Variants in APAF1 observed in about 807,000 individuals in gnomAD.
APAF1 encodes the protein apoptotic protease-activating factor 1.
A neutral mutation model predicts 152.4 loss-of-function variants in APAF1; 91 were observed. The ratio of observed to expected loss-of-function variants is 0.60; its 90% confidence interval spans 0.50 to 0.71. The LOEUF (loss-of-function observed/expected upper bound fraction) is 0.71. Among genes scored for constraint, APAF1 ranks in the 30% least tolerant of loss-of-function variants. The pLI is 0.00. For missense variants in APAF1, 1,283 were observed against 1,472.0 expected, an observed-to-expected ratio of 0.87 and a Z score of 2.10; for synonymous variants, 484 against 494.1, an observed-to-expected ratio of 0.98 and a Z score of 0.27.
Position 98,667,559 on chromosome 12 carries a change from C to T in APAF1, c.1409C>T (p.Pro470Leu), listed in dbSNP as rs145393515. The T allele has an allele frequency of 1.2e-4, 186 of 1,613,948 alleles. 1 individual carries two copies. The African/African-American group carries it at 1.7e-3, about 14-fold the overall frequency. ...ACTCAGTTTCAGAGATATCACCAGCCGCATACTCTTTCACCAGATCAGGAA... is the reference window on the plus strand; with the variant it reads ...ACTCAGTTTCAGAGATATCACCAGCTGCATACTCTTTCACCAGATCAGGAA... ...IITQFQRYHQ[P>L]HTLSPDQEDC... The change falls in exon 10 of 27, where the codon CCG (proline) becomes CTG (leucine). Residue 470 changes from proline to leucine, a missense_variant. Pro to Leu is a moderately conservative substitution (Grantham distance 98). Transcript: ENST00000551964.
At chr12:98,707,673 C>A (rs185976672) in intron 19 of APAF1, among the ~76,000 whole-genome samples, 130 of 135,392 alleles carry the variant, frequency 9.6e-4, no homozygotes, top group African/African-American at 3.2e-3. Flanking sequence ...TTACTATATT[C>A]AAGACATTAT....
At chr12:98,712,963 A>G (rs541557346) in intron 21 of APAF1, among the ~76,000 whole-genome samples, 2 of 152,024 alleles carry the variant, frequency 1.3e-5, no homozygotes, top group South Asian at 4.2e-4. Flanking sequence ...GACTTCAGGT[A>G]TGCACCACCA....
intron 22 of APAF1, among the ~76,000 whole-genome samples, chr12:98,721,829 G>T (rs73378457): frequency 0.026 from 3,886 of 152,246 alleles, 172 homozygotes; most frequent in African/African-American, 0.089. Flanking sequence ...AATAAGAGAT[G>T]TCATTTATTT....
At position 98,712,409 on chromosome 12, in the gene APAF1, T is replaced by G; in HGVS notation, c.2932T>G (p.Phe978Val). 1.2e-6 allele frequency: 2 copies of G among 1,609,094 alleles called. No homozygotes were observed. The highest frequency in any genetic ancestry group is 1.7e-6 in the Non-Finnish European group (2 of 1,175,472). The change falls in exon 21 of 27, where the codon TTT becomes GTT. Residue 978 changes from phenylalanine to valine, a missense_variant. Phe to Val is a conservative substitution (Grantham distance 50). Coordinates refer to ENST00000551964, the MANE Select transcript of APAF1 (RefSeq NM_181861.2). ...CLSPHLQYIA[F>V]GDENGAIEIL... ...AAGTCCACATCTTCAGTACATTGCA[T>G]TTGGAGATGAAAATGGAGCCATTGA... is the stretch of plus-strand genomic sequence containing the variant.
intron 7 of APAF1, among the ~76,000 whole-genome samples, chr12:98,665,279 T>TATATA (rs1491328899): frequency 1.1e-3 from 74 of 65,592 alleles, no homozygotes; most frequent in South Asian, 5.5e-3. Context: ...TATATATATA[T>TATATA]TTTTTTTTTT....
In APAF1 at chr12:98,708,481, C is replaced by G. The variant is rs549736101; in HGVS notation, c.2722-104C>G. 1.3e-5 allele frequency: 15 copies of G among 1,173,344 alleles called. No individual in the cohort carries two copies. In the East Asian group the frequency reaches 3.6e-4, roughly 28 times the overall value. 72.7% of individuals were successfully genotyped at this position (1,173,344 alleles called of 1,614,324 possible). ...ATTATAATCTAATATTGAAACCTTT[C>G]TAGCATCATAGGTATTTTATGTGAA... On this transcript the variant is annotated intron_variant, in intron 19 of 26. Coordinates refer to ENST00000551964, the MANE Select transcript of APAF1 (RefSeq NM_181861.2).
intron 7 of APAF1, among the ~76,000 whole-genome samples, chr12:98,664,941 C>T (rs2097670223): frequency 6.6e-6 from 1 of 152,098 alleles, no homozygotes; most frequent in East Asian, 1.9e-4. Context: ...ATTTATTCAA[C>T]CACTTCTGTA....
intron 26 of APAF1, among the ~76,000 whole-genome samples, chr12:98,727,716 G>A (rs910109061): frequency 2.6e-5 from 4 of 152,014 alleles, no homozygotes; most frequent in Non-Finnish European, 4.4e-5. Context: ...CAAGGTGGGC[G>A]GATCACCTGA....
At position 98,648,607 on chromosome 12, in the gene APAF1, A is replaced by G; in HGVS notation, c.139-19A>G. ...ATACATATTCATTGTTGTATACTAA[A>G]CTACTTAATTTTTTTTAGCCCACTC... On this transcript the variant is annotated intron_variant, in intron 2 of 26. Transcript: ENST00000551964. The G allele has an allele frequency of 6.2e-7, 1 of 1,612,640 alleles. No individual in the cohort carries two copies. The highest frequency in any genetic ancestry group is 8.5e-7 in the Non-Finnish European group (1 of 1,179,450).
chr12:98,683,595 A>C (rs1238165687), intron 15 of APAF1, among the ~76,000 whole-genome samples: 1 of 152,182 alleles, frequency 6.6e-6, no homozygotes, highest in Non-Finnish European at 1.5e-5. Flanking sequence ...TGTGGCAGAA[A>C]ATGTGGCTAC....
In APAF1 at chr12:98,712,416, A is replaced by G. The variant is rs2097728984; in HGVS notation, c.2939A>G (p.Asp980Gly). 6.2e-7 allele frequency: 1 copy of G among 1,604,218 alleles called. No individual in the cohort carries two copies. Among genetic ancestry groups the G allele is most frequent in the South Asian group, 1.1e-5 (1 of 90,856 alleles). ...SPHLQYIAFG[D>G]ENGAIEILEL... Reference sequence around the variant, plus strand: ...CATCTTCAGTACATTGCATTTGGAGATGAAAATGGAGCCATTGAGGTATTC... The same window carrying G: ...CATCTTCAGTACATTGCATTTGGAGGTGAAAATGGAGCCATTGAGGTATTC... Residue 980 changes from aspartate (D) to glycine (G), a missense_variant, in exon 21 of 27, where the codon GAT becomes GGT. Asp to Gly is a moderately conservative substitution (Grantham distance 94). Transcript: ENST00000551964.
In APAF1 at chr12:98,703,406, A is replaced by G. The variant is rs374560085; in HGVS notation, c.2502A>G (p.Glu834=). The G allele has an allele frequency of 2.5e-6, 4 of 1,614,020 alleles. No individual in the cohort carries two copies. Among genetic ancestry groups the G allele is most frequent in the Non-Finnish European group, 3.4e-6 (4 of 1,180,014 alleles). ...FDIHTSGLLG[E]IHTGHHSTIQ... ...TTCATACTAGTGGCCTATTGGGAGA[A>G]ATCCACACGGGCCATCACAGCACCA... is the stretch of plus-strand genomic sequence containing the variant. Residue 834 remains glutamate (E), a synonymous_variant, in exon 18 of 27, where the codon GAA becomes GAG. Transcript: ENST00000551964.
intron 15 of APAF1, 97 bp downstream of exon 15, chr12:98,683,371 G>A: frequency 8.2e-7 from 1 of 1,218,964 alleles, no homozygotes; most frequent in Non-Finnish European, 1.2e-6. Context: ...AGGACTTTCT[G>A]GTCACAATGA....
chr12:98,711,849 T>TTTTTTTTTTTTTTTTTTTTTTTTTTTGAG (rs1418875681), intron 20 of APAF1, among the ~76,000 whole-genome samples: 1 of 152,236 alleles, frequency 6.6e-6, no homozygotes, highest in Non-Finnish European at 1.5e-5. Context: ...AATCTTAATT[T>TTTTTTTTTTTTTTTTTTTTTTTTTTTGAG]ACACTGTTTT....
intron 7 of APAF1, among the ~76,000 whole-genome samples, chr12:98,665,274 A>ATTTTTT (rs1304241904): frequency 2.8e-5 from 3 of 107,508 alleles, no homozygotes; most frequent in African/African-American, 3.7e-5. Flanking sequence ...ATATATATAT[A>ATTTTTT]TATATTTTTT....
chr12:98,725,570 C>G (rs768546773), intron 25 of APAF1, 30 bp downstream of exon 25: 1 of 1,613,760 alleles, frequency 6.2e-7, no homozygotes, highest in Non-Finnish European at 8.5e-7. Context: ...GAGAGCACTG[C>G]TCTTCTTGTA....
chr12:98,671,600 G>A lies in APAF1; in HGVS notation c.1674G>A (p.Gln558=), dbSNP rs1265305842. ...LSLNGHLLGR[Q]PFPNIVQLGL... is the part of the protein sequence containing the mutation. ...TAAATGGACACCTTCTTGGACGACA[G>A]CCATTTCCTAATATTGTACAACTGG... The change falls in exon 12 of 27, where the codon CAG becomes CAA. Residue 558 remains glutamine (Q), a synonymous_variant. Coordinates refer to ENST00000551964, the MANE Select transcript of APAF1 (RefSeq NM_181861.2). 1 of 1,613,994 alleles carries A rather than the reference G, an allele frequency of 6.2e-7. No homozygotes were observed. Among genetic ancestry groups the A allele is most frequent in the Admixed American group, 1.7e-5 (1 of 60,004 alleles).
intron 4 of APAF1, among the ~76,000 whole-genome samples, chr12:98,651,460 T>A (rs1272846107): frequency 2.0e-5 from 3 of 152,162 alleles, no homozygotes; most frequent in East Asian, 3.9e-4. Flanking sequence ...TTTTTAAGAT[T>A]TATCCTTGTT....
intron 4 of APAF1, among the ~76,000 whole-genome samples, chr12:98,658,342 G>A (rs770762915): frequency 3.3e-5 from 5 of 152,106 alleles, no homozygotes; most frequent in African/African-American, 4.8e-5. Flanking sequence ...GCCATTCCTA[G>A]TGTTTACTAG....
Sources: gnomAD v4.1 joint callset for allele counts (sites outside exome capture counted in the v4.1 genomes callset) on GRCh38, gnomAD v4.1.1 for gene constraint, MANE v1.5 for transcripts, NCBI Gene and HGNC (gene_info 2026-07-23, HGNC 2026-07-21) for gene names.